The following ALDOA variants were observed in gnomAD, a reference collection of about 807,000 sequenced individuals.
ALDOA encodes the protein aldolase, fructose-bisphosphate A.
Under a neutral mutation model 43.9 loss-of-function variants are expected in ALDOA, and 26 were observed. The ratio of observed to expected loss-of-function variants is 0.59; its 90% CI spans 0.43 to 0.82. The LOEUF (loss-of-function observed/expected upper bound fraction) is 0.82, where lower values mean the gene tolerates loss of function less well. ALDOA is among the 40% of genes least tolerant of loss of function. ALDOA has a pLI of 0.00. For synonymous variants in ALDOA, 258 were observed against 222.6 expected (o/e 1.16, Z -1.42); for missense variants, 498 against 549.5 (o/e 0.91, Z 0.94).
Position 30,070,019 on chromosome 16 carries a change from A to G in ALDOA, c.1151A>G (p.Lys384Arg), listed in dbSNP as rs761836264. ...NLKAAQEEYV[K>R]RALANSLACQ... Reference sequence around the variant, plus strand: ...AAGGCTGCGCAGGAGGAGTATGTCAAGCGAGCCCTGGTAAGGATAGGCAGG... The same window carrying G: ...AAGGCTGCGCAGGAGGAGTATGTCAGGCGAGCCCTGGTAAGGATAGGCAGG... Residue 384 changes from lysine to arginine, a missense_variant, in exon 9 of 10, where the codon AAG (lysine) becomes AGG (arginine). By Grantham distance (26) the Lys-to-Arg change is conservative. Transcript: ENST00000642816. 8.1e-6 allele frequency: 13 copies of G among 1,613,776 alleles called. No homozygotes were observed. In the East Asian group the frequency reaches 2.2e-4, roughly 28 times the overall value.
Position 30,070,316 on chromosome 16 carries a change from C to T in ALDOA, c.*104C>T, listed in dbSNP as rs923653523. The T allele has an allele frequency of 1.9e-6, 2 of 1,075,754 alleles. No homozygotes were observed. The highest frequency in any genetic ancestry group is 1.6e-5 in the African/African-American group (1 of 64,516). 66.6% of individuals were successfully genotyped at this position (1,075,754 alleles called of 1,614,324 possible). On this transcript the variant is annotated 3_prime_UTR_variant, in exon 10 of 10. Coordinates refer to ENST00000642816, the MANE Select transcript of ALDOA (RefSeq NM_001243177.4). ...GGCTCCAGGCTGGCTTGCCCGCGCT[C>T]TTTCTTCCCTCGTGACAGTGGTGTG... is the stretch of plus-strand genomic sequence containing the variant.
At chr16:30,068,539 G>T (rs908077708) in intron 4 of ALDOA, 107 bp from the exon 5 acceptor site, 10 of 1,275,204 alleles carry the variant, frequency 7.8e-6, no homozygotes, top group Admixed American at 7.3e-5. Flanking sequence ...GGAAGTGGAG[G>T]CTTCAGTGAG....
At position 30,067,491 on chromosome 16, in the gene ALDOA, A is replaced by G. The variant is rs746453321; in HGVS notation, c.316A>G (p.Thr106Ala). The G allele has an allele frequency of 3.7e-6, 6 of 1,613,526 alleles. No individual in the cohort carries two copies. The Admixed American group carries it at 8.3e-5, about 22-fold the overall frequency. Reference protein sequence around the residue: ...KRLQSIGTENTEENRRFYRQL... With the variant: ...KRLQSIGTENAEENRRFYRQL... ...GCTGCAGTCCATTGGCACCGAGAAC[A>G]CCGAGGAGAACCGGCGCTTCTACCG... is the stretch of plus-strand genomic sequence containing the variant. The change falls in exon 4 of 10, where the codon ACC becomes GCC. Residue 106 changes from threonine to alanine, a missense_variant. Transcript: ENST00000642816.
chr16:30,067,172 T>A, intron 2 of ALDOA, 62 bp from the exon 3 acceptor site: 1 of 1,608,022 alleles, frequency 6.2e-7, no homozygotes, highest in Non-Finnish European at 8.5e-7. Flanking sequence ...GGGGCCCTGG[T>A]CATCGGGAGA....
intron 4 of ALDOA, 91 bp downstream of exon 4, chr16:30,067,752 T>C: frequency 6.7e-7 from 1 of 1,485,222 alleles, no homozygotes; most frequent in Non-Finnish European, 9.4e-7. Flanking sequence ...GCTGGATTGG[T>C]GGCCTAGAGA....
Position 30,069,861 on chromosome 16 carries a change from G to A in ALDOA, c.993G>A (p.Glu331=), listed in dbSNP as rs186320122. ...GITFLSGGQS[E]EEASINLNAI... ...CCTTCCTGTCTGGAGGCCAGAGTGA[G>A]GAGGAGGCGTCCATCAACCTCAATG... Residue 331 remains glutamate (E), a synonymous_variant, in exon 9 of 10, where the codon GAG becomes GAA. Transcript: ENST00000642816. 2 of 1,614,172 alleles carry A rather than the reference G, an allele frequency of 1.2e-6. No homozygotes were observed. The highest frequency in any genetic ancestry group is 4.5e-5 in the East Asian group (2 of 44,880).
chr16:30,067,874 G>A (rs756921061), intron 4 of ALDOA: 42 of 633,240 alleles, frequency 6.6e-5, no homozygotes, highest in Non-Finnish European at 1.0e-4. Flanking sequence ...CAGAAGCTCA[G>A]GGAAGTGAAG....
upstream of ALDOA, among the ~76,000 whole-genome samples, chr16:30,065,110 A>C (rs1275235821): frequency 6.6e-6 from 1 of 152,198 alleles, no homozygotes; most frequent in Non-Finnish European, 1.5e-5. Context: ...TGCGCGACCC[A>C]GCCCGGCCTG....
At chr16:30,068,209 C>T (rs1469019062) in intron 4 of ALDOA, 8 of 319,364 alleles carry the variant, frequency 2.5e-5, no homozygotes, top group Admixed American at 9.0e-5. Flanking sequence ...GGACTACAGG[C>T]GCCCGCCACC....
chr16:30,066,845 C>CTTTA, intron 1 of ALDOA, 40 bp from the exon 2 acceptor site: 1 of 1,532,012 alleles, frequency 6.5e-7, no homozygotes, highest in Non-Finnish European at 8.8e-7. Flanking sequence ...GATTCACGAT[C>CTTTA]TTTACATTCT....
Position 30,069,669 on chromosome 16 carries a change from C to T in ALDOA, c.957C>T (p.Val319=). 1 of 1,613,542 alleles carries T rather than the reference C, an allele frequency of 6.2e-7. No homozygotes were observed. The highest frequency in any genetic ancestry group is 8.5e-7 in the Non-Finnish European group (1 of 1,179,998). The change falls in exon 8 of 10, where the codon GTC becomes GTT. Residue 319 remains valine, a synonymous_variant. Transcript: ENST00000642816. ...TGCGCCGCACAGTGCCCCCCGCTGT[C>T]ACTGGTGAGGCCCACACTCATCTTG... The part of the protein sequence containing the change: ...TALRRTVPPA[V]TGITFLSGGQ...
At chr16:30,065,708 T>G (rs928308375), upstream of ALDOA, 1 of 151,964 alleles carries the variant, frequency 6.6e-6, no homozygotes, top group Non-Finnish European at 1.5e-5. Flanking sequence ...AGGAAAAAGC[T>G]CGGCGGAGGG....
At position 30,069,495 on chromosome 16, in the gene ALDOA, C is replaced by T. The variant is rs878939622; in HGVS notation, c.787-4C>T. On this transcript the variant is annotated splice_region_variant and splice_polypyrimidine_tract_variant and intron_variant, in intron 7 of 9. Transcript: ENST00000642816. ...CTACCCACCGTGCGCCTGCTCTGCT[C>T]CAGGTGCTGGCTGCTGTCTACAAGG... is the stretch of plus-strand genomic sequence containing the variant. 5 of 1,614,000 alleles carry T rather than the reference C, an allele frequency of 3.1e-6. No homozygotes were observed. The highest frequency in any genetic ancestry group is 2.7e-5 in the African/African-American group (2 of 74,928).
rs147612848 is a variant in ALDOA, at chr16:30,069,948, G to T, written c.1080G>T (p.Leu360=). Reference sequence around the variant, plus strand: ...TGACCTTCTCCTACGGCCGAGCCCTGCAGGCCTCTGCCCTGAAGGCCTGGG... The same window carrying T: ...TGACCTTCTCCTACGGCCGAGCCCTTCAGGCCTCTGCCCTGAAGGCCTGGG... The part of the protein sequence containing the change: ...WALTFSYGRA[L]QASALKAWGG... Residue 360 remains leucine (L), a synonymous_variant, in exon 9 of 10, where the codon CTG becomes CTT. Transcript: ENST00000642816. 33 of 1,613,936 alleles carry T rather than the reference G, an allele frequency of 2.0e-5. No individual in the cohort carries two copies. In the South Asian group the frequency reaches 3.4e-4, roughly 17 times the overall value.
In ALDOA at chr16:30,067,487, G is replaced by GAAC. The variant is rs1333136924; in HGVS notation, c.314_316dup (p.Asn105dup). 1 of 1,613,318 alleles carries GAAC rather than the reference G, an allele frequency of 6.2e-7. No homozygotes were observed. Among genetic ancestry groups the GAAC allele is most frequent in the Non-Finnish European group, 8.5e-7 (1 of 1,180,012 alleles). ...AGCGGCTGCAGTCCATTGGCACCGA[G>GAAC]AACACCGAGGAGAACCGGCGCTTCT... is the stretch of plus-strand genomic sequence containing the variant. On this transcript the variant is annotated inframe_insertion, in exon 4 of 10. Coordinates refer to ENST00000642816, the MANE Select transcript of ALDOA (RefSeq NM_001243177.4).
intron 7 of ALDOA, 25 bp from the exon 8 acceptor site, chr16:30,069,474 C>G (rs575447672): frequency 6.2e-7 from 1 of 1,614,106 alleles, no homozygotes; most frequent in Non-Finnish European, 8.5e-7. Flanking sequence ...ACCCCACTAC[C>G]CACCGTGCGC....
At chr16:30,066,072 C>T (rs1419300501) in intron 1 of ALDOA, 145 bp downstream of exon 1, 2 of 152,826 alleles carry the variant, frequency 1.3e-5, no homozygotes, top group African/African-American at 4.8e-5. Flanking sequence ...TCCCCGGCCC[C>T]TCCAGCCTGA....
Position 30,067,023 on chromosome 16 carries a change from GAC to G in ALDOA, c.128_129del (p.Thr43ArgfsTer29). 6.3e-7 allele frequency: 1 copy of G among 1,575,940 alleles called. No homozygotes were observed. The highest frequency in any genetic ancestry group is 8.6e-7 in the Non-Finnish European group (1 of 1,161,732). ...CTCAGCTGGGCAACACCCAGCACCAGACAGAGTTAGGAAAGGTACAGGGGCAG... is the reference window on the plus strand; with the variant it reads ...CTCAGCTGGGCAACACCCAGCACCAGAGAGTTAGGAAAGGTACAGGGGCAG... ...HPQLGNTQHQTELGKELATTS... is the reference protein window; with the variant it reads ...HPQLGNTQHQXELGKELATTS... On this transcript the variant is annotated frameshift_variant, in exon 2 of 10. Coordinates refer to ENST00000642816, the MANE Select transcript of ALDOA (RefSeq NM_001243177.4). LOFTEE classifies it high-confidence loss of function.
chr16:30,067,250 G>A lies in ALDOA; in HGVS notation c.158G>A (p.Ser53Asn). ...TELGKELATT[S>N]TMPYQYPALT... ...TGTATCCAGGAACTTGCTACTACCA[G>A]CACCATGCCCTACCAATATCCAGCA... The change falls in exon 3 of 10, where the codon AGC becomes AAC. Residue 53 changes from serine to asparagine, a missense_variant. Physicochemically the swap from Ser to Asn is conservative, Grantham distance 46. Transcript: ENST00000642816. 1.2e-6 allele frequency: 2 copies of A among 1,612,252 alleles called. No homozygotes were observed. Among genetic ancestry groups the A allele is most frequent in the Non-Finnish European group, 1.7e-6 (2 of 1,180,012 alleles).
Sources: allele counts gnomAD v4.1 joint callset (sites outside exome capture counted in the v4.1 genomes callset), GRCh38; gene constraint gnomAD v4.1.1; transcripts MANE v1.5; gene names NCBI Gene and HGNC (gene_info 2026-07-23, HGNC 2026-07-21).